Variants in GALNT10 observed in about 807,000 individuals in gnomAD.
The protein encoded by GALNT10 is GalNAc transferase 10.
Under a neutral mutation model 75.0 loss-of-function variants are expected in GALNT10, and 41 were observed. The ratio of observed to expected loss-of-function variants is 0.55; its 90% confidence interval spans 0.43 to 0.71. The LOEUF (loss-of-function observed/expected upper bound fraction) is 0.71. GALNT10 is among the 30% of genes least tolerant of loss of function. GALNT10 has a pLI of 0.00. For synonymous variants in GALNT10, 302 were observed against 313.0 expected, an observed-to-expected ratio of 0.96 and a Z score of 0.37; for missense variants, 727 against 818.5, an observed-to-expected ratio of 0.89 and a Z score of 1.36.
Position 154,412,631 on chromosome 5 carries a change from C to A in GALNT10, c.1387-258C>A. The A allele has an allele frequency of 2.6e-6, 1 of 382,944 alleles. No homozygotes were observed. Among genetic ancestry groups the A allele is most frequent in the East Asian group, 6.5e-5 (1 of 15,328 alleles). The allele number at this position is 382,944 out of a possible 1,614,324, so 23.7% of individuals were successfully genotyped here. On this transcript the variant is annotated intron_variant, in intron 9 of 11. Coordinates refer to ENST00000297107, the MANE Select transcript of GALNT10 (RefSeq NM_198321.4). This position sits in a 1 kb window ranked among gnomAD's most constrained non-coding sequence, Gnocchi z 4.2. ...CTTTACCAACTCCTCACCTCCACTC[C>A]CCCACCACCAACCCAGGACTCTGCA...
At chr5:154,406,898 T>A (rs936201097) in intron 8 of GALNT10, among the ~76,000 whole-genome samples, 5 of 152,092 alleles carry the variant, frequency 3.3e-5, no homozygotes, top group Non-Finnish European at 7.4e-5. Flanking sequence ...GTTGTCCTAA[T>A]AGCTCCGAGA....
At chr5:154,377,121 G>A (rs756645716) in intron 5 of GALNT10, among the ~76,000 whole-genome samples, 10 of 152,320 alleles carry the variant, frequency 6.6e-5, no homozygotes, top group East Asian at 1.9e-4. Context: ...AGAGGGCAGC[G>A]TGATCCACTA....
chr5:154,225,331 A>G (rs1753045689), intron 1 of GALNT10, among the ~76,000 whole-genome samples: 1 of 147,756 alleles, frequency 6.8e-6, no homozygotes, highest in South Asian at 2.1e-4. Context: ...TGACCTCGTG[A>G]TCCGCCCACC....
intron 1 of GALNT10, among the ~76,000 whole-genome samples, chr5:154,204,817 C>T (rs1160990737): frequency 1.3e-5 from 2 of 152,232 alleles, no homozygotes; most frequent in Non-Finnish European, 2.9e-5. Flanking sequence ...AGCAACTTAG[C>T]ACTGTCTGGA....
Position 154,376,141 on chromosome 5 carries a change from G to T in GALNT10, c.569-136G>T. The T allele has an allele frequency of 1.5e-6, 1 of 675,762 alleles. No individual in the cohort carries two copies. 41.9% of individuals were successfully genotyped at this position (675,762 alleles called of 1,614,324 possible). The stretch of plus-strand genomic sequence containing the variant: ...TGAGAACACTGCCCTTCTTCTCCCT[G>T]TCTGAAAGGTCTAGTGAGGCAGTGT... On this transcript the variant is annotated intron_variant, in intron 4 of 11. Transcript: ENST00000297107. The surrounding 1 kb of genome is among the most constrained non-coding windows in gnomAD (Gnocchi z 4.1).
At chr5:154,405,946 A>G (rs1268383397) in intron 8 of GALNT10, 5 of 151,106 alleles carry the variant, frequency 3.3e-5, no homozygotes, top group African/African-American at 1.2e-4. Flanking sequence ...AACCATTATT[A>G]TAGATTAATT....
chr5:154,212,779 T>C, intron 1 of GALNT10, among the ~76,000 whole-genome samples: 1 of 152,108 alleles, frequency 6.6e-6, no homozygotes, highest in East Asian at 1.9e-4. Context: ...CCATCCTGGC[T>C]AACAGGGTGA....
intron 1 of GALNT10, among the ~76,000 whole-genome samples, chr5:154,255,481 T>C (rs1042881908): frequency 2.0e-5 from 3 of 152,106 alleles, no homozygotes; most frequent in Non-Finnish European, 4.4e-5. Context: ...TAGAACTTTT[T>C]ATAGGTTAAA....
At chr5:154,408,355 G>T (rs1756326580) in intron 8 of GALNT10, among the ~76,000 whole-genome samples, 1 of 152,126 alleles carries the variant, frequency 6.6e-6, no homozygotes, top group Admixed American at 6.6e-5. Context: ...TTGCAATAGG[G>T]AAAAAACTTA....
At chr5:154,390,756 A>T (rs2113192194) in intron 7 of GALNT10, among the ~76,000 whole-genome samples, 1 of 152,318 alleles carries the variant, frequency 6.6e-6, no homozygotes, top group Non-Finnish European at 1.5e-5. Context: ...GCACAAAGGA[A>T]TTTCTAAACC....
intron 1 of GALNT10, among the ~76,000 whole-genome samples, chr5:154,254,775 C>G (rs1459902804): frequency 6.6e-6 from 1 of 152,114 alleles, no homozygotes; most frequent in Non-Finnish European, 1.5e-5. Context: ...CTGCAAGTAA[C>G]AGAAAACTCT....
intron 1 of GALNT10, among the ~76,000 whole-genome samples, chr5:154,217,566 T>C (rs1284969453): frequency 6.6e-6 from 1 of 152,176 alleles, no homozygotes; most frequent in Non-Finnish European, 1.5e-5. Context: ...GTGGAAGAGA[T>C]GGAGAGAGTT....
chr5:154,378,121 A>G (rs1301405068), intron 5 of GALNT10, among the ~76,000 whole-genome samples: 1 of 152,180 alleles, frequency 6.6e-6, no homozygotes, highest in African/African-American at 2.4e-5. Context: ...TAGAAATGTG[A>G]ACCAGTGATG....
chr5:154,414,317 A>G (rs1756460950), intron 10 of GALNT10, among the ~76,000 whole-genome samples: 1 of 152,236 alleles, frequency 6.6e-6, no homozygotes, highest in Non-Finnish European at 1.5e-5. Context: ...TAATGTTCAT[A>G]GCAGGTTTAT....
chr5:154,393,077 A>AAAAAC (rs1755941914), intron 7 of GALNT10: 1 of 140,598 alleles, frequency 7.1e-6, no homozygotes, highest in Admixed American at 8.3e-5. Context: ...AAAAAAAAAA[A>AAAAAC]ACCCATTTTT....
chr5:154,334,898 C>T (rs1754920334), intron 4 of GALNT10, among the ~76,000 whole-genome samples: 1 of 152,218 alleles, frequency 6.6e-6, no homozygotes, highest in South Asian at 2.1e-4. Context: ...TAGTCCTCTT[C>T]CCATAACGGG....
chr5:154,408,483 T>A (rs1389804652), intron 8 of GALNT10, among the ~76,000 whole-genome samples: 1 of 152,118 alleles, frequency 6.6e-6, no homozygotes, highest in Non-Finnish European at 1.5e-5. Context: ...CTCTCAGATA[T>A]ATCACATATC....
chr5:154,302,978 G>C (rs766934625), intron 3 of GALNT10, among the ~76,000 whole-genome samples: 3 of 152,148 alleles, frequency 2.0e-5, no homozygotes, highest in Admixed American at 6.5e-5. Context: ...AACACAGGAA[G>C]TTTAAGTCAA....
intron 4 of GALNT10, among the ~76,000 whole-genome samples, chr5:154,355,257 C>T (rs1350778255): frequency 6.6e-6 from 1 of 152,202 alleles, no homozygotes; most frequent in Admixed American, 6.5e-5. Context: ...TCCCCCCTCA[C>T]CCTCTCTCAT....
Sources: allele counts gnomAD v4.1 joint callset (sites outside exome capture counted in the v4.1 genomes callset), GRCh38; gene constraint gnomAD v4.1.1; non-coding constraint Gnocchi (gnomAD v3.1); transcripts MANE v1.5; gene names NCBI Gene and HGNC (gene_info 2026-07-23, HGNC 2026-07-21).